The following USP24 variants were observed in gnomAD, a reference collection of about 807,000 sequenced individuals.
USP24 encodes the protein ubiquitin carboxyl-terminal hydrolase 24.
In USP24, 97 loss-of-function variants were observed where a neutral mutation model predicts 361.6. The ratio of observed to expected loss-of-function variants is 0.27; its 90% confidence interval spans 0.23 to 0.32. The LOEUF (loss-of-function observed/expected upper bound fraction) is 0.32, where lower values mean the gene tolerates loss of function less well. Ranked by LOEUF, USP24 falls within the 10% of genes least tolerant of loss-of-function variation. USP24 has a pLI of 1.00. For synonymous variants in USP24, 1,098 were observed against 1,124.6 expected, an observed-to-expected ratio of 0.98 and a Z score of 0.47; for missense variants, 2,353 against 3,165.6, an observed-to-expected ratio of 0.74 and a Z score of 6.16.
intron 1 of USP24, among the ~76,000 whole-genome samples, chr1:55,189,841 T>C (rs1644239678): frequency 6.6e-6 from 1 of 152,068 alleles, no homozygotes; most frequent in African/African-American, 2.4e-5. Context: ...CTAACACATA[T>C]GGCAATTAGC....
chr1:55,210,391 T>C (rs1031863384), intron 1 of USP24, among the ~76,000 whole-genome samples: 2 of 152,200 alleles, frequency 1.3e-5, no homozygotes, highest in African/African-American at 4.8e-5. Flanking sequence ...CCTTTTTTTA[T>C]TTACCAAATC....
At position 55,173,912 on chromosome 1, in the gene USP24, AG is replaced by A. The variant is rs1204900350; in HGVS notation, c.559-1393del. On this transcript the variant is annotated intron_variant, in intron 3 of 67. Coordinates refer to ENST00000294383, the MANE Select transcript of USP24 (RefSeq NM_015306.3). ...ACAAAATAAAAATGTATGTGGATTA[AG>A]CAGCAATCCCTCTGGCACCATTCCA... Among the ~76,000 whole-genome samples the A allele has an allele frequency of 2.0e-5, 3 of 152,264 alleles. No homozygotes were observed. The East Asian group carries it at 5.8e-4, about 29-fold the overall frequency.
chr1:55,080,986 A>C (rs1368743774), intron 59 of USP24, among the ~76,000 whole-genome samples: 7 of 151,972 alleles, frequency 4.6e-5, no homozygotes, highest in Admixed American at 6.6e-5. Flanking sequence ...AAACTAGGAG[A>C]CTCCAGCCCA....
chr1:55,093,909 C>G (rs759716677), intron 52 of USP24, 28 bp downstream of exon 52: 3 of 1,611,902 alleles, frequency 1.9e-6, no homozygotes, highest in Non-Finnish European at 2.5e-6. Flanking sequence ...TGGATATTCC[C>G]CCTTAGAATT....
At chr1:55,137,057 A>C (rs573136574) in intron 28 of USP24, among the ~76,000 whole-genome samples, 27 of 152,308 alleles carry the variant, frequency 1.8e-4, no homozygotes, top group Admixed American at 5.2e-4. Context: ...AGACCAAAAA[A>C]CAAAAAACCA....
chr1:55,183,818 TAC>T lies in USP24; in HGVS notation c.325-5688_325-5687del, dbSNP rs143077300. 6.6e-3 allele frequency among the ~76,000 whole-genome samples: 1,005 copies of T among 152,144 alleles called. 14 individuals are homozygous for T. Among genetic ancestry groups the T allele is most frequent in the African/African-American group, 0.023 (953 of 41,472 alleles). On this transcript the variant is annotated intron_variant, in intron 1 of 67. Coordinates refer to ENST00000294383, the MANE Select transcript of USP24 (RefSeq NM_015306.3). ...AATAAAAGGATGTAAAAAGATATCATACACACATACAGGAGCTGGAATGGCTA... is the reference window on the plus strand; with the variant it reads ...AATAAAAGGATGTAAAAAGATATCATACACATACAGGAGCTGGAATGGCTA...
At chr1:55,192,732 A>G (rs888944233) in intron 1 of USP24, among the ~76,000 whole-genome samples, 16 of 152,260 alleles carry the variant, frequency 1.1e-4, no homozygotes, top group Admixed American at 6.5e-5. Flanking sequence ...AATTCAGACT[A>G]GAGAAAATAA....
rs147474476 is a variant in USP24 at position 55,183,945 on chromosome 1, C to T, written c.325-5813G>A. 3.8e-3 allele frequency among the ~76,000 whole-genome samples: 578 copies of T among 152,150 alleles called. 5 individuals are homozygous for T. Among genetic ancestry groups the T allele is most frequent in the African/African-American group, 0.013 (541 of 41,500 alleles). On this transcript the variant is annotated intron_variant, in intron 1 of 67. Transcript: ENST00000294383. ...AGATAAAATGATGAAAAAATATATA[C>T]CCTAAAAGCAATAACCAAAGAGAGC...
intron 52 of USP24, 141 bp from the exon 53 acceptor site, chr1:55,093,057 T>G (rs1449158894): frequency 3.6e-6 from 2 of 551,018 alleles, no homozygotes; most frequent in Admixed American, 8.4e-5. Context: ...CTTTCTCAAG[T>G]TTTGAACTTT....
chr1:55,195,564 G>A (rs1156278954), intron 1 of USP24, among the ~76,000 whole-genome samples: 1 of 152,178 alleles, frequency 6.6e-6, no homozygotes, highest in Non-Finnish European at 1.5e-5. Context: ...CTTGTTAGGA[G>A]TGTTACTGTA....
At chr1:55,114,546 CA>C (rs796890806) in intron 38 of USP24, among the ~76,000 whole-genome samples, 137 of 152,220 alleles carry the variant, frequency 9.0e-4, no homozygotes, top group African/African-American at 3.1e-3. Flanking sequence ...AACAGATATA[CA>C]GACCAATGGA....
intron 32 of USP24, among the ~76,000 whole-genome samples, chr1:55,128,578 A>G (rs961724176): frequency 6.6e-6 from 1 of 151,736 alleles, no homozygotes; most frequent in Admixed American, 6.6e-5. Flanking sequence ...TAATTTCCCA[A>G]TTCCTAGCTC....
rs533494207 is a variant in USP24, at chr1:55,113,755, G to A, written c.4509-3509C>T. Among the ~76,000 whole-genome samples the A allele has an allele frequency of 9.2e-5, 14 of 152,118 alleles. No homozygotes were observed. In the East Asian group the frequency reaches 1.7e-3, roughly 19 times the overall value. ...GCAATAAACTAGGTATTGATGGAAC[G>A]TATCTCAAAATAATAAGAGCTATTT... On this transcript the variant is annotated intron_variant, in intron 38 of 67. Coordinates refer to ENST00000294383, the MANE Select transcript of USP24 (RefSeq NM_015306.3).
At chr1:55,160,977 T>C (rs1325717938) in intron 8 of USP24, among the ~76,000 whole-genome samples, 1 of 152,110 alleles carries the variant, frequency 6.6e-6, no homozygotes, top group African/African-American at 2.4e-5. Context: ...TTTCTAAAGG[T>C]TTTAATATAC....
intron 3 of USP24, among the ~76,000 whole-genome samples, chr1:55,173,721 A>G (rs1473579660): frequency 6.6e-6 from 1 of 152,224 alleles, no homozygotes; most frequent in East Asian, 1.9e-4. Context: ...TAGCCGCACT[A>G]CTTGCTCAAA....
chr1:55,109,213 G>A (rs559859231), intron 39 of USP24, among the ~76,000 whole-genome samples: 1 of 152,222 alleles, frequency 6.6e-6, no homozygotes, highest in East Asian at 1.9e-4. Context: ...CTGATCTCAA[G>A]TGATCCACCC....
At chr1:55,179,311 A>G (rs1468682999) in intron 1 of USP24, among the ~76,000 whole-genome samples, 1 of 151,978 alleles carries the variant, frequency 6.6e-6, no homozygotes, top group East Asian at 1.9e-4. Context: ...TCATCTTCCT[A>G]GTCATCAAAT....
chr1:55,133,241 T>C (rs1004885931), intron 30 of USP24, among the ~76,000 whole-genome samples: 3 of 152,216 alleles, frequency 2.0e-5, no homozygotes, highest in African/African-American at 7.2e-5. Flanking sequence ...AACAATATTA[T>C]AGATACGACA....
chr1:55,155,986 T>C (rs1207011388), intron 12 of USP24, among the ~76,000 whole-genome samples: 1 of 152,190 alleles, frequency 6.6e-6, no homozygotes, highest in Non-Finnish European at 1.5e-5. Context: ...AAGACTTTTG[T>C]AAACAATCCC....
Sources: allele counts gnomAD v4.1 joint callset (sites outside exome capture counted in the v4.1 genomes callset), GRCh38; gene constraint gnomAD v4.1.1; transcripts MANE v1.5; gene names NCBI Gene and HGNC (gene_info 2026-07-23, HGNC 2026-07-21).